MKI67: variants seen among roughly 807,000 people sequenced by gnomAD.
MKI67 encodes the protein marker of proliferation Ki-67.
A neutral mutation model predicts 233.5 loss-of-function variants in MKI67; 152 were observed. That is an observed-to-expected ratio of 0.65 (90% CI 0.57 to 0.74). The LOEUF (loss-of-function observed/expected upper bound fraction) is 0.74. Among genes scored for constraint, MKI67 ranks in the 30% least tolerant of loss-of-function variants. The pLI is 0.00. For missense variants in MKI67, 3,940 were observed against 3,885.2 expected (o/e 1.01, Z -0.37); for synonymous variants, 1,465 against 1,418.5 (o/e 1.03, Z -0.74).
Position 128,125,858 on chromosome 10 carries a change from T to G in MKI67, c.-89-102A>C. On this transcript the variant is annotated intron_variant, in intron 1 of 14. Coordinates refer to ENST00000368654, the MANE Select transcript of MKI67 (RefSeq NM_002417.5). This position sits in a 1 kb window ranked among gnomAD's most constrained non-coding sequence, Gnocchi z 5.3. ...CACAGAAGCGCACACCGCAGCTAGC[T>G]AGCGGGGACCCCAGGACGATCCGAC... The G allele has an allele frequency of 1.6e-6, 1 of 606,198 alleles. No homozygotes were observed. 37.6% of individuals were successfully genotyped at this position (606,198 alleles called of 1,614,324 possible).
intron 1 of MKI67, 81 bp downstream of exon 1, chr10:128,126,018 C>G (rs1853047441): frequency 3.1e-6 from 1 of 320,600 alleles, no homozygotes; most frequent in Admixed American, 4.7e-5. Flanking sequence ...TGTCCCCTGC[C>G]CGTCCCCGCA....
Position 128,103,387 on chromosome 10 carries a change from T to C in MKI67, c.8453A>G (p.Asp2818Gly), listed in dbSNP as rs759765848. Residue 2818 changes from aspartate to glycine, a missense_variant, in exon 13 of 15, where the codon GAC (aspartate) becomes GGC (glycine). Asp to Gly is a moderately conservative substitution (Grantham distance 94). Coordinates refer to ENST00000368654, the MANE Select transcript of MKI67 (RefSeq NM_002417.5). The part of the protein sequence containing the change: ...AGHTEESMTD[D>G]KTTKIPCKSS... ...TTTGCAGGGTATTTTAGTGGTTTTG[T>C]CATCAGTCATTGATTCTTCAGTGTG... The C allele has an allele frequency of 3.1e-6, 5 of 1,614,078 alleles. No individual in the cohort carries two copies. The highest frequency in any genetic ancestry group is 2.5e-6 in the Non-Finnish European group (3 of 1,180,014).
rs774556393 is a variant in MKI67 at position 128,106,709 on chromosome 10, C to G, written c.5131G>C (p.Ala1711Pro). The change falls in exon 13 of 15, where the codon GCC becomes CCC. Residue 1711 changes from alanine (A) to proline (P), a missense_variant. Transcript: ENST00000368654. Reference sequence around the variant, plus strand: ...GTCTGGAAGAGCTCGATGAAGCCGGCCAGGTCTTCAGGGACTTCAGACTTT... The same window carrying G: ...GTCTGGAAGAGCTCGATGAAGCCGGGCAGGTCTTCAGGGACTTCAGACTTT... ...KGKSEVPEDL[A>P]GFIELFQTPS... 1 of 1,614,058 alleles carries G rather than the reference C, an allele frequency of 6.2e-7. No individual in the cohort carries two copies. Among genetic ancestry groups the G allele is most frequent in the South Asian group, 1.1e-5 (1 of 91,076 alleles).
chr10:128,119,508 C>T (rs577836075), intron 4 of MKI67, among the ~76,000 whole-genome samples, 189 bp from the exon 5 acceptor site: 14 of 152,292 alleles, frequency 9.2e-5, no homozygotes, highest in African/African-American at 2.9e-4. Flanking sequence ...TTAGTTGCAT[C>T]GAGTTTGTTT....
At chr10:128,101,204 A>G in intron 14 of MKI67, 54 bp downstream of exon 14, 1 of 1,560,892 alleles carries the variant, frequency 6.4e-7, no homozygotes, top group Non-Finnish European at 8.7e-7. Flanking sequence ...TTGGGCAAAA[A>G]ATACATCAAA....
chr10:128,102,992 G>A lies in MKI67; in HGVS notation c.8848C>T (p.Pro2950Ser). The change falls in exon 13 of 15, where the codon CCT becomes TCT. Residue 2950 changes from proline (P) to serine (S), a missense_variant. Transcript: ENST00000368654. ...DSFTSAPKQT[P>S]DSGKPLKISR... Reference sequence around the variant, plus strand: ...ATTTTTAGAGGTTTTCCACTGTCAGGTGTTTGCTTTGGAGCGCTTGTAAAG... The same window carrying A: ...ATTTTTAGAGGTTTTCCACTGTCAGATGTTTGCTTTGGAGCGCTTGTAAAG... 6.2e-7 allele frequency: 1 copy of A among 1,614,208 alleles called. No individual in the cohort carries two copies. The highest frequency in any genetic ancestry group is 8.5e-7 in the Non-Finnish European group (1 of 1,180,042).
rs1852591434 is a variant in MKI67, at chr10:128,108,730, T to G, written c.3110A>C (p.Glu1037Ala). Reference protein sequence around the residue: ...ASLGKVGVKEELLAVGKFTRT... With the variant: ...ASLGKVGVKEALLAVGKFTRT... ...TGTGAACTTGCCGACTGCTAGGAGC[T>G]CTTCTTTCACACCTACTTTCCCCAG... Residue 1037 changes from glutamate (E) to alanine (A), a missense_variant, in exon 13 of 15, where the codon GAG (glutamate) becomes GCG (alanine). Physicochemically the swap from Glu to Ala is moderately radical, Grantham distance 107. Transcript: ENST00000368654. The G allele has an allele frequency of 1.2e-6, 2 of 1,614,218 alleles. No individual in the cohort carries two copies. The highest frequency in any genetic ancestry group is 1.7e-6 in the Non-Finnish European group (2 of 1,180,036).
At position 128,109,027 on chromosome 10, in the gene MKI67, A is replaced by T; in HGVS notation, c.2813T>A (p.Leu938Ter). The T allele has an allele frequency of 6.2e-7, 1 of 1,613,870 alleles. No individual in the cohort carries two copies. Among genetic ancestry groups the T allele is most frequent in the Non-Finnish European group, 8.5e-7 (1 of 1,179,954 alleles). The change falls in exon 13 of 15, where the codon TTA becomes TAA. Residue 938 changes from leucine to a stop codon, truncating the protein, a stop_gained. Coordinates refer to ENST00000368654, the MANE Select transcript of MKI67 (RefSeq NM_002417.5). LOFTEE classifies it high-confidence loss of function. ...TTTCATCTTTTCATCGTTTTCTTTT[A>T]ATTCAATATTTTCCTTATATGTCTC... ...PFETYKENIE[L>*]KENDEKMKAM...
intron 14 of MKI67, among the ~76,000 whole-genome samples, chr10:128,100,490 A>T (rs941013651): frequency 1.3e-5 from 2 of 152,252 alleles, no homozygotes; most frequent in Non-Finnish European, 2.9e-5. Context: ...TGAACTCAGA[A>T]TATGGTAGTT....
At chr10:128,119,079 A>T (rs1206195246) in intron 5 of MKI67, among the ~76,000 whole-genome samples, 174 bp downstream of exon 5, 1 of 152,262 alleles carries the variant, frequency 6.6e-6, no homozygotes, top group Non-Finnish European at 1.5e-5. Flanking sequence ...ATATCATTTT[A>T]GATTATTTTA....
chr10:128,105,069 T>G lies in MKI67; in HGVS notation c.6771A>C (p.Lys2257Asn). 6.2e-7 allele frequency: 1 copy of G among 1,614,006 alleles called. No individual in the cohort carries two copies. The highest frequency in any genetic ancestry group is 2.2e-5 in the East Asian group (1 of 44,868). ...TAGCTTTCCCTACTGATGGTGTTCG[T>G]TTCCTGAGTGCTAAGGATTCTTCCT... ...DVEEESLALR[K>N]RTPSVGKAMD... The change falls in exon 13 of 15, where the codon AAA (lysine) becomes AAC (asparagine). Residue 2257 changes from lysine (K) to asparagine (N), a missense_variant. Transcript: ENST00000368654.
Position 128,126,045 on chromosome 10 carries a change from C to G in MKI67, c.-90+54G>C, listed in dbSNP as rs528270188. 826 of 270,286 alleles carry G rather than the reference C, an allele frequency of 3.1e-3. 3 individuals are homozygous for G. Among genetic ancestry groups the G allele is most frequent in the Admixed American group, 7.2e-3 (140 of 19,424 alleles). 16.7% of individuals were successfully genotyped at this position (270,286 alleles called of 1,614,324 possible). On this transcript the variant is annotated intron_variant, in intron 1 of 14. Coordinates refer to ENST00000368654, the MANE Select transcript of MKI67 (RefSeq NM_002417.5). ...GTCCCCGCAGAGCTCGGGGGGTCCC[C>G]GCGGCTCAGCCCTCGACCCCGGACA...
At position 128,114,912 on chromosome 10, in the gene MKI67, AATTAAATAAACTTACT is replaced by A. The variant is rs1281995102; in HGVS notation, c.1480_1480+15del. The A allele has an allele frequency of 6.5e-7, 1 of 1,528,382 alleles. No individual in the cohort carries two copies. The highest frequency in any genetic ancestry group is 1.3e-5 in the South Asian group (1 of 76,976). The allele number at this position is 1,528,382 out of a possible 1,614,324, so 94.7% of individuals were successfully genotyped here. On this transcript the variant is annotated splice_donor_variant and splice_donor_5th_base_variant and coding_sequence_variant and intron_variant, in exon 7 of 15. Transcript: ENST00000368654. LOFTEE classifies it high-confidence loss of function. ...TCATCTTTTAGAAAAATAAATTTAC[AATTAAATAAACTTACT>A]AATGGAATCACCAAAGTTGTTGATA... is the stretch of plus-strand genomic sequence containing the variant.
chr10:128,101,274 GCA>G lies in MKI67; in HGVS notation c.9687_9688del (p.Ala3230ArgfsTer7). ...ATGGCTTACCTTCTTTGGATTTTCT[GCA>G]CACCTCTTGACACTCCGCGTTACTC... is the stretch of plus-strand genomic sequence containing the variant. On this transcript the variant is annotated frameshift_variant, in exon 14 of 15. Coordinates refer to ENST00000368654, the MANE Select transcript of MKI67 (RefSeq NM_002417.5). LOFTEE classifies it low-confidence loss of function (END_TRUNC). The G allele has an allele frequency of 6.2e-7, 1 of 1,610,144 alleles. No homozygotes were observed. The highest frequency in any genetic ancestry group is 8.5e-7 in the Non-Finnish European group (1 of 1,176,708).
At position 128,123,159 on chromosome 10, in the gene MKI67, A is replaced by G; in HGVS notation, c.103T>C (p.Cys35Arg). 5.6e-6 allele frequency: 9 copies of G among 1,613,278 alleles called. No homozygotes were observed. Among genetic ancestry groups the G allele is most frequent in the Non-Finnish European group, 5.9e-6 (7 of 1,179,260 alleles). Residue 35 changes from cysteine (C) to arginine (R), a missense_variant, in exon 3 of 15, where the codon TGT becomes CGT. Physicochemically the swap from Cys to Arg is radical, Grantham distance 180. Transcript: ENST00000368654. ...STCLFGRGIE[C>R]DIRIQLPVVS... ...ACAGGAAGCTGGATACGGATGTCAC[A>G]TTCAATACCCCTTCATGCAAAAGAA... is the stretch of plus-strand genomic sequence containing the variant.
intron 7 of MKI67, among the ~76,000 whole-genome samples, chr10:128,113,818 A>G (rs1852734627): frequency 6.6e-6 from 1 of 152,188 alleles, no homozygotes; most frequent in Non-Finnish European, 1.5e-5. Flanking sequence ...TTGCCACTGG[A>G]CAGTACAGAG....
chr10:128,115,040 G>C lies in MKI67; in HGVS notation c.1368C>G (p.Ile456Met). ...CAGGCTTGCTGAGGGAATCCTTTTG[G>C]ATCTTCCTCTCAACTTGAGTGAGCC... ...TLWLTQVERK[I>M]QKDSLSKPEK... is the part of the protein sequence containing the mutation. The change falls in exon 7 of 15, where the codon ATC becomes ATG. Residue 456 changes from isoleucine to methionine, a missense_variant. Transcript: ENST00000368654. The C allele has an allele frequency of 3.1e-6, 5 of 1,613,076 alleles. No homozygotes were observed. Among genetic ancestry groups the C allele is most frequent in the Non-Finnish European group, 4.2e-6 (5 of 1,179,024 alleles).
At position 128,105,805 on chromosome 10, in the gene MKI67, A is replaced by C; in HGVS notation, c.6035T>G (p.Val2012Gly). Residue 2012 changes from valine (V) to glycine (G), a missense_variant, in exon 13 of 15, where the codon GTC (valine) becomes GGC (glycine). Transcript: ENST00000368654. ...SLGKVGVKEE[V>G]LPVGKLTQTS... ...CTGTGTGAGCTTGCCGACTGGTAGG[A>C]CCTCTTCTTTCACACCTACTTTCCC... is the stretch of plus-strand genomic sequence containing the variant. 1 of 1,613,498 alleles carries C rather than the reference A, an allele frequency of 6.2e-7. No homozygotes were observed. Among genetic ancestry groups the C allele is most frequent in the Non-Finnish European group, 8.5e-7 (1 of 1,179,928 alleles).
In MKI67 at chr10:128,115,598, G is replaced by A. The variant is rs201621002; in HGVS notation, c.810C>T (p.Tyr270=). 34 of 1,614,126 alleles carry A rather than the reference G, an allele frequency of 2.1e-5. No homozygotes were observed. The highest frequency in any genetic ancestry group is 1.5e-4 in the African/African-American group (11 of 75,036). ...YCRKSGLQTD[Y]ATEKESADGL... is the part of the protein sequence containing the mutation. ...CATCAGCACTTTCTTTCTCTGTTGC[G>A]TAATCAGTTTGTAATCCAGATTTTC... Residue 270 remains tyrosine (Y), a synonymous_variant, in exon 7 of 15, where the codon TAC becomes TAT. Transcript: ENST00000368654.
Sources: allele counts gnomAD v4.1 joint callset (sites outside exome capture counted in the v4.1 genomes callset), GRCh38; gene constraint gnomAD v4.1.1; non-coding constraint Gnocchi (gnomAD v3.1); transcripts MANE v1.5; gene names NCBI Gene and HGNC (gene_info 2026-07-23, HGNC 2026-07-21).